SGCZ: variants seen among roughly 807,000 people sequenced by gnomAD.
SGCZ encodes the protein sarcoglycan zeta, also known as zeta-sarcoglycan.
Under a neutral mutation model 41.3 loss-of-function variants are expected in SGCZ, and 40 were observed. That is an observed-to-expected ratio of 0.97 (90% confidence interval 0.75 to 1.26). SGCZ has a LOEUF of 1.26. Ranked by LOEUF, SGCZ falls within the 50% of genes most tolerant of loss-of-function variation. SGCZ has a pLI of 0.00. For synonymous variants in SGCZ, 206 were observed against 137.5 expected (o/e 1.50, Z -3.49); for missense variants, 552 against 369.8 (o/e 1.49, Z -4.04).
chr8:14,157,764 A>G (rs1365413056), intron 5 of SGCZ, among the ~76,000 whole-genome samples: 1 of 152,198 alleles, frequency 6.6e-6, no homozygotes, highest in East Asian at 1.9e-4. Context: ...AAGGTGGGTA[A>G]GTAATACTAG....
At chr8:14,211,267 G>A (rs554998986) in intron 4 of SGCZ, among the ~76,000 whole-genome samples, 8 of 152,202 alleles carry the variant, frequency 5.3e-5, no homozygotes, top group African/African-American at 7.2e-5. Context: ...AGTCATCCCA[G>A]TGTCCGGGTA....
intron 2 of SGCZ, among the ~76,000 whole-genome samples, chr8:14,515,292 T>C (rs28537957): frequency 0.016 from 2,492 of 152,196 alleles, 63 homozygotes; most frequent in African/African-American, 0.057. Context: ...GCTGTATTTT[T>C]GCCTCAGAGG....
chr8:14,327,943 G>A (rs1444835396), intron 2 of SGCZ, among the ~76,000 whole-genome samples: 2 of 152,118 alleles, frequency 1.3e-5, no homozygotes, highest in South Asian at 2.1e-4. Flanking sequence ...GCCACGCCCA[G>A]ATAACTTTTG....
At chr8:14,447,109 T>G (rs1800454960) in intron 2 of SGCZ, among the ~76,000 whole-genome samples, 1 of 152,166 alleles carries the variant, frequency 6.6e-6, no homozygotes, top group African/African-American at 2.4e-5. Context: ...TTTAGTCAAT[T>G]AAAACACCAA....
chr8:14,974,670 G>A (rs1801406985), intron 1 of SGCZ, among the ~76,000 whole-genome samples: 3 of 152,106 alleles, frequency 2.0e-5, no homozygotes. Context: ...GAGAACCGCT[G>A]CACTGAACTC....
chr8:14,239,109 C>A (rs955857052), intron 3 of SGCZ, among the ~76,000 whole-genome samples: 2 of 151,858 alleles, frequency 1.3e-5, no homozygotes, highest in Admixed American at 1.3e-4. Context: ...TTAATTACAT[C>A]ATCCTAATCA....
chr8:14,695,113 G>C (rs1259742612), intron 1 of SGCZ, among the ~76,000 whole-genome samples: 2 of 152,010 alleles, frequency 1.3e-5, no homozygotes, highest in Non-Finnish European at 2.9e-5. Flanking sequence ...CTGATAGACA[G>C]TTTCAAGAAA....
At chr8:14,558,305 T>C (rs1432780677) in intron 1 of SGCZ, among the ~76,000 whole-genome samples, 5 of 152,034 alleles carry the variant, frequency 3.3e-5, no homozygotes, top group African/African-American at 1.2e-4. Flanking sequence ...CTGGGCACAG[T>C]GGTTCACACC....
intron 1 of SGCZ, among the ~76,000 whole-genome samples, chr8:14,645,075 AT>A (rs1807163678): frequency 6.6e-6 from 1 of 151,690 alleles, no homozygotes; most frequent in Admixed American, 6.6e-5. Flanking sequence ...GAATTTTTAT[AT>A]TTGGCAAGCA....
intron 3 of SGCZ, chr8:14,309,707 T>C: frequency 6.2e-6 from 10 of 1,608,980 alleles, no homozygotes; most frequent in Non-Finnish European, 6.8e-6. Context: ...CACAGGAGAC[T>C]GAGTTAAGCA....
At chr8:14,613,247 T>C (rs981185310) in intron 1 of SGCZ, among the ~76,000 whole-genome samples, 3 of 152,208 alleles carry the variant, frequency 2.0e-5, no homozygotes, top group Admixed American at 1.3e-4. Flanking sequence ...TATGATGTAA[T>C]GTACTTTGCT....
chr8:14,260,761 G>T (rs1408948562), intron 3 of SGCZ, among the ~76,000 whole-genome samples: 3 of 152,172 alleles, frequency 2.0e-5, no homozygotes, highest in African/African-American at 4.8e-5. Context: ...GGAATACTAT[G>T]CAGTCATAAA....
chr8:14,842,844 G>C (rs956397302), intron 1 of SGCZ, among the ~76,000 whole-genome samples: 5 of 152,280 alleles, frequency 3.3e-5, no homozygotes, highest in African/African-American at 1.2e-4. Context: ...CATTGAAAAC[G>C]GGATGCTCCA....
At chr8:14,717,349 C>T (rs1047203369) in intron 1 of SGCZ, among the ~76,000 whole-genome samples, 1 of 151,994 alleles carries the variant, frequency 6.6e-6, no homozygotes, top group Non-Finnish European at 1.5e-5. Flanking sequence ...TATATGTTTC[C>T]TTTACTTTCT....
chr8:15,232,706 CA>C (rs1801985661), intron 1 of SGCZ, among the ~76,000 whole-genome samples: 1 of 111,648 alleles, frequency 9.0e-6, no homozygotes, highest in South Asian at 3.0e-4. Context: ...TATATATATA[CA>C]TATATATGTG....
chr8:15,141,979 G>A (rs1320445839), intron 1 of SGCZ, among the ~76,000 whole-genome samples: 4 of 152,174 alleles, frequency 2.6e-5, no homozygotes, highest in South Asian at 2.1e-4. Context: ...AGCAGTGGAA[G>A]ACCCTGGGAC....
chr8:14,818,238 G>C (rs1273365725), intron 1 of SGCZ, among the ~76,000 whole-genome samples: 1 of 152,104 alleles, frequency 6.6e-6, no homozygotes, highest in Non-Finnish European at 1.5e-5. Flanking sequence ...CCACCAGCCA[G>C]CCTGTTAGGC....
At chr8:14,357,226 GTGTT>G (rs1230719008) in intron 2 of SGCZ, among the ~76,000 whole-genome samples, 1 of 152,106 alleles carries the variant, frequency 6.6e-6, no homozygotes, top group Non-Finnish European at 1.5e-5. Flanking sequence ...AATCTCATCA[GTGTT>G]TGATCACACA....
chr8:14,470,949 C>T (rs2116978056), intron 2 of SGCZ, among the ~76,000 whole-genome samples: 1 of 152,182 alleles, frequency 6.6e-6, no homozygotes, highest in South Asian at 2.1e-4. Flanking sequence ...GCCCCAGGCA[C>T]AATCATCACT....
Sources: gnomAD v4.1 joint callset for allele counts (sites outside exome capture counted in the v4.1 genomes callset) on GRCh38, gnomAD v4.1.1 for gene constraint, MANE v1.5 for transcripts, NCBI Gene and HGNC (gene_info 2026-07-23, HGNC 2026-07-21) for gene names.